The following STK3 variants were observed in gnomAD, a reference collection of about 807,000 sequenced individuals.
The protein encoded by STK3 is serine/threonine kinase 3.
Under a neutral mutation model 58.0 loss-of-function variants are expected in STK3, and 41 were observed. That is an observed-to-expected ratio of 0.71 (90% CI 0.55 to 0.92). The LOEUF (loss-of-function observed/expected upper bound fraction) is 0.92, where lower values mean the gene tolerates loss of function less well. Ranked by LOEUF, STK3 falls within the 40% of genes least tolerant of loss-of-function variation. The pLI is 0.00. For synonymous variants in STK3, 170 were observed against 191.0 expected, an observed-to-expected ratio of 0.89 and a Z score of 0.91; for missense variants, 479 against 602.7, an observed-to-expected ratio of 0.79 and a Z score of 2.15.
intron 10 of STK3, among the ~76,000 whole-genome samples, chr8:98,479,130 A>G (rs1309575770): frequency 2.6e-5 from 4 of 152,144 alleles, no homozygotes; most frequent in Admixed American, 2.0e-4. Flanking sequence ...AAGACATGAA[A>G]AAATCTCTTT....
At position 98,884,316 on chromosome 8, in the gene STK3, TACTC is replaced by T. The variant is rs375281616; in HGVS notation, c.-78-486_-78-483del. 9.8e-4 allele frequency among the ~76,000 whole-genome samples: 150 copies of T among 152,328 alleles called. 1 individual carries two copies. The East Asian group carries it at 0.011, about 11-fold the overall frequency. Reference sequence around the variant, plus strand: ...ATTTTTATTTATTGCTCTGGGCACTTACTCAGGGAGCCCCCTTTTTAATCTTCAT... The same window carrying T: ...ATTTTTATTTATTGCTCTGGGCACTTAGGGAGCCCCCTTTTTAATCTTCAT... On this transcript the variant is annotated intron_variant, in intron 1 of 1. Transcript: ENST00000519420.
At chr8:98,433,785 T>C (rs1818388913) in intron 3 of STK3, among the ~76,000 whole-genome samples, 1 of 152,254 alleles carries the variant, frequency 6.6e-6, no homozygotes, top group Non-Finnish European at 1.5e-5. Context: ...AGCAGTCAGC[T>C]ACAATAGACG....
At chr8:98,683,769 A>C (rs1218841180) in intron 6 of STK3, among the ~76,000 whole-genome samples, 2 of 152,152 alleles carry the variant, frequency 1.3e-5, no homozygotes, top group Non-Finnish European at 2.9e-5. Context: ...ATCATAATCT[A>C]CATTTGGTTC....
intron 10 of STK3, among the ~76,000 whole-genome samples, chr8:98,457,922 A>G (rs1207607816): frequency 6.6e-6 from 1 of 152,218 alleles, no homozygotes; most frequent in African/African-American, 2.4e-5. Flanking sequence ...CTTAGAAGAA[A>G]AATTTTCTTC....
intron 10 of STK3, among the ~76,000 whole-genome samples, chr8:98,515,280 G>T (rs967799082): frequency 3.9e-5 from 6 of 152,042 alleles, no homozygotes; most frequent in African/African-American, 1.4e-4. Context: ...AAACCTAGAA[G>T]CCTCAGCTTG....
intron 6 of STK3, among the ~76,000 whole-genome samples, chr8:98,671,573 GTTTT>G: frequency 6.6e-6 from 1 of 150,804 alleles, no homozygotes. Context: ...TTAGTTTGGG[GTTTT>G]TTTTTGTTTT....
At chr8:98,413,392 G>T in intron 3 of STK3, 1 of 545,676 alleles carries the variant, frequency 1.8e-6, no homozygotes. Flanking sequence ...TGGATCCTTG[G>T]CTACAGTTAA....
chr8:98,465,962 T>C lies in STK3; in HGVS notation c.1318-9962A>G, dbSNP rs185806636. Among the ~76,000 whole-genome samples the C allele has an allele frequency of 5.3e-5, 8 of 152,334 alleles. No homozygotes were observed. In the East Asian group the frequency reaches 1.3e-3, roughly 26 times the overall value. On this transcript the variant is annotated intron_variant, in intron 10 of 10. Transcript: ENST00000419617. ...TTAATTTGGGCACACTTCTGATATATTGTAAGCAGCTCTAACATTCTAGGC... is the reference window on the plus strand; with the variant it reads ...TTAATTTGGGCACACTTCTGATATACTGTAAGCAGCTCTAACATTCTAGGC...
chr8:98,366,274 T>A (rs991989740), downstream of STK3, among the ~76,000 whole-genome samples: 19 of 152,352 alleles, frequency 1.2e-4, no homozygotes, highest in African/African-American at 4.3e-4. Flanking sequence ...ACATTCAGGG[T>A]TCTTCTGTGA....
the STK3 span, among the ~76,000 whole-genome samples, chr8:98,347,286 G>A: frequency 1.4e-4 from 21 of 151,942 alleles, no homozygotes; most frequent in African/African-American, 3.4e-4. Flanking sequence ...AGGCCGAGGC[G>A]GGCGGATCAC....
intron 7 of STK3, among the ~76,000 whole-genome samples, chr8:98,582,274 T>C (rs565384254): frequency 1.3e-5 from 2 of 152,148 alleles, no homozygotes; most frequent in African/African-American, 4.8e-5. Context: ...TTCATCTTTT[T>C]CTTGTTGAAA....
Position 98,694,771 on chromosome 8 carries a change from T to G in STK3, c.684+11696A>C, listed in dbSNP as rs935404354. On this transcript the variant is annotated intron_variant, in intron 6 of 10. Coordinates refer to ENST00000419617, the MANE Select transcript of STK3 (RefSeq NM_006281.4). ...ATCATTGTTGGACATTTGGGTTGGT[T>G]CCAAGTCTTTGCTATTGTGAATAGT... is the stretch of plus-strand genomic sequence containing the variant. Among the ~76,000 whole-genome samples the G allele has an allele frequency of 2.4e-4, 36 of 152,342 alleles. 2 individuals carry two copies. Among genetic ancestry groups the G allele is most frequent in the East Asian group, 1.7e-3 (9 of 5,188 alleles).
chr8:98,705,417 G>GAAA (rs11389041), intron 6 of STK3, among the ~76,000 whole-genome samples: 1 of 107,640 alleles, frequency 9.3e-6, no homozygotes. Context: ...TATCTCAAAA[G>GAAA]AAAAAAAAAA....
intron 2 of STK3, among the ~76,000 whole-genome samples, chr8:98,773,015 T>C (rs1831418448): frequency 6.6e-6 from 1 of 152,224 alleles, no homozygotes; most frequent in African/African-American, 2.4e-5. Context: ...ACTTTTCTTT[T>C]ATCAATGGTC....
chr8:98,679,154 C>T (rs1011766406), intron 6 of STK3, among the ~76,000 whole-genome samples: 2 of 152,174 alleles, frequency 1.3e-5, no homozygotes, highest in African/African-American at 4.8e-5. Flanking sequence ...CTATGTAATT[C>T]CACCCTTACC....
chr8:98,585,230 T>G (rs1341128572), intron 7 of STK3, among the ~76,000 whole-genome samples: 1 of 151,752 alleles, frequency 6.6e-6, no homozygotes, highest in African/African-American at 2.4e-5. Context: ...TGGTTTTAGG[T>G]CTAACGTTTA....
In STK3 at chr8:98,579,700, T is replaced by C; in HGVS notation, c.912A>G (p.Glu304=). Residue 304 remains glutamate, a synonymous_variant, in exon 8 of 11, where the codon GAA becomes GAG. Coordinates refer to ENST00000419617, the MANE Select transcript of STK3 (RefSeq NM_006281.4). ...CTTCCTCTTCCAATTCTCGTTGCTG[T>C]TCCTCATGTCTTTTAGCTTTGATCT... ...AMEIKAKRHE[E]QQRELEEEEE... is the part of the protein sequence containing the mutation. 6.2e-7 allele frequency: 1 copy of C among 1,610,680 alleles called. No homozygotes were observed. The highest frequency in any genetic ancestry group is 8.5e-7 in the Non-Finnish European group (1 of 1,179,034).
chr8:98,772,813 A>G (rs1184039695), intron 2 of STK3, among the ~76,000 whole-genome samples: 4 of 152,068 alleles, frequency 2.6e-5, no homozygotes, highest in Non-Finnish European at 2.9e-5. Context: ...CATGACTATA[A>G]CCTTCCTGAA....
intron 1 of STK3, among the ~76,000 whole-genome samples, chr8:98,382,535 G>T (rs1817746244): frequency 6.6e-6 from 1 of 152,080 alleles, no homozygotes; most frequent in African/African-American, 2.4e-5. Context: ...AACAAGTCTT[G>T]CCAGGGGTGG....
Sources: gnomAD v4.1 joint callset for allele counts (sites outside exome capture counted in the v4.1 genomes callset) on GRCh38, gnomAD v4.1.1 for gene constraint, MANE v1.5 for transcripts, NCBI Gene and HGNC (gene_info 2026-07-23, HGNC 2026-07-21) for gene names.